The following SLIT2 variants were observed in gnomAD, a reference collection of about 807,000 sequenced individuals.
SLIT2 encodes slit homolog 2 protein.
In SLIT2, 41 loss-of-function variants were observed where a neutral mutation model predicts 185.7. The observed-to-expected ratio is 0.22, with a 90% CI of 0.17 to 0.29. The LOEUF (loss-of-function observed/expected upper bound fraction) is 0.29. SLIT2 is among the 10% of genes least tolerant of loss of function. The probability of loss-of-function intolerance (pLI) is 1.00; values close to 1 mark genes in which losing one functional copy is unlikely to be tolerated. For missense variants in SLIT2, 1,571 were observed against 1,909.0 expected, an observed-to-expected ratio of 0.82 and a Z score of 3.30; for synonymous variants, 693 against 680.2, an observed-to-expected ratio of 1.02 and a Z score of -0.29.
chr4:20,306,548 G>A (rs552512039), intron 4 of SLIT2, among the ~76,000 whole-genome samples: 3 of 152,304 alleles, frequency 2.0e-5, no homozygotes, highest in Non-Finnish European at 4.4e-5. Flanking sequence ...AGAATTACAA[G>A]CCAGGTAATC....
At chr4:20,453,949 G>A (rs1391131283) in intron 4 of SLIT2, among the ~76,000 whole-genome samples, 1 of 152,226 alleles carries the variant, frequency 6.6e-6, no homozygotes, top group Non-Finnish European at 1.5e-5. Context: ...TCTGGTTTGA[G>A]TGGCATGGAT....
At position 20,528,485 on chromosome 4, in the gene SLIT2, A is replaced by C; in HGVS notation, c.1463-464A>C. ...TTTTAGGCATCTCCGAGATTATGTG[A>C]GAGGGAGAGAATAGTAAAAAGTCCA... is the stretch of plus-strand genomic sequence containing the variant. On this transcript the variant is annotated intron_variant, in intron 15 of 36. Transcript: ENST00000504154. This position sits in a 1 kb window ranked among gnomAD's most constrained non-coding sequence, Gnocchi z 4.2. The C allele has an allele frequency of 2.5e-6, 1 of 396,228 alleles. No individual in the cohort carries two copies. Among genetic ancestry groups the C allele is most frequent in the Admixed American group, 3.3e-5 (1 of 29,902 alleles). 24.5% of individuals were successfully genotyped at this position (396,228 alleles called of 1,614,324 possible).
At chr4:20,446,096 G>A (rs1711765058) in intron 4 of SLIT2, among the ~76,000 whole-genome samples, 1 of 152,096 alleles carries the variant, frequency 6.6e-6, no homozygotes, top group African/African-American at 2.4e-5. Context: ...GCACACCCTT[G>A]CCCCCTTAAC....
intron 4 of SLIT2, among the ~76,000 whole-genome samples, chr4:20,312,808 C>T (rs1337862994): frequency 2.1e-5 from 3 of 142,764 alleles, no homozygotes; most frequent in Non-Finnish European, 3.1e-5. Context: ...GAAAAGAAAA[C>T]ATATTTTAGA....
At chr4:20,280,344 A>T (rs1714619263) in intron 4 of SLIT2, among the ~76,000 whole-genome samples, 1 of 151,622 alleles carries the variant, frequency 6.6e-6, no homozygotes, top group African/African-American at 2.4e-5. Context: ...AAAAAAAAAA[A>T]AAAAAAAGAA....
intron 4 of SLIT2, among the ~76,000 whole-genome samples, chr4:20,432,598 G>T (rs537898305): frequency 1.3e-5 from 2 of 151,348 alleles, no homozygotes; most frequent in Admixed American, 6.6e-5. Context: ...GAGTTAATAG[G>T]TGTTGTTCCT....
chr4:20,501,341 A>T (rs568469101), intron 9 of SLIT2, among the ~76,000 whole-genome samples: 2 of 152,092 alleles, frequency 1.3e-5, no homozygotes, highest in Non-Finnish European at 2.9e-5. Flanking sequence ...GCTGGAGTGC[A>T]GTGGCGTGAT....
At chr4:20,532,097 AT>A (rs1434227335) in intron 17 of SLIT2, 39 bp downstream of exon 17, 4 of 1,184,872 alleles carry the variant, frequency 3.4e-6, no homozygotes, top group South Asian at 2.8e-5. Flanking sequence ...TTTCTGTAGC[AT>A]TTTTTGGGTG....
At position 20,252,807 on chromosome 4, in the gene SLIT2, T is replaced by C. The variant is rs1236732838; in HGVS notation, c.-1009T>C. On this transcript the variant is annotated 5_prime_UTR_variant, in exon 1 of 37. Transcript: ENST00000504154. ...TCTCCAGTACGCCCCAGCAGGACGC[T>C]GACACCTCCAACCTTGGCCTTTGCC... Among the ~76,000 whole-genome samples, 2 of 152,070 alleles carry C rather than the reference T, an allele frequency of 1.3e-5. No homozygotes were observed. The highest frequency in any genetic ancestry group is 4.8e-5 in the African/African-American group (2 of 41,410).
intron 4 of SLIT2, among the ~76,000 whole-genome samples, chr4:20,442,762 T>C (rs1729868981): frequency 6.6e-6 from 1 of 152,110 alleles, no homozygotes. Context: ...GACGAAAGAC[T>C]GGGAGGCCTT....
At chr4:20,520,861 G>C (rs1720780507) in intron 12 of SLIT2, among the ~76,000 whole-genome samples, 1 of 152,102 alleles carries the variant, frequency 6.6e-6, no homozygotes. Flanking sequence ...TGAGTCATGA[G>C]AAATACTGAT....
intron 33 of SLIT2, among the ~76,000 whole-genome samples, chr4:20,598,845 C>G (rs1021274370): frequency 6.6e-6 from 1 of 152,154 alleles, no homozygotes; most frequent in Non-Finnish European, 1.5e-5. Context: ...TTCCTCCCAA[C>G]AATCTCCTGT....
rs1722133765 is a variant in SLIT2 at position 20,252,661 on chromosome 4, A to G, written c.-1155A>G. On this transcript the variant is annotated 5_prime_UTR_variant, in exon 1 of 37. Coordinates refer to ENST00000504154, the MANE Select transcript of SLIT2 (RefSeq NM_004787.4). ...CTTTGCCATCAGGTGTCTGCCGCGGAGCTGCGGCTTATCTGGGAGACGAGC... is the reference window on the plus strand; with the variant it reads ...CTTTGCCATCAGGTGTCTGCCGCGGGGCTGCGGCTTATCTGGGAGACGAGC... Among the ~76,000 whole-genome samples, 1 of 152,094 alleles carries G rather than the reference A, an allele frequency of 6.6e-6. No homozygotes were observed. The highest frequency in any genetic ancestry group is 6.5e-5 in the Admixed American group (1 of 15,282).
intron 4 of SLIT2, among the ~76,000 whole-genome samples, chr4:20,303,896 T>C (rs1380234590): frequency 6.6e-6 from 1 of 152,184 alleles, no homozygotes; most frequent in African/African-American, 2.4e-5. Context: ...AGGGAAATGA[T>C]AGGAGATGAA....
chr4:20,302,220 A>C (rs1165930781), intron 4 of SLIT2, among the ~76,000 whole-genome samples: 1 of 152,190 alleles, frequency 6.6e-6, no homozygotes, highest in African/African-American at 2.4e-5. Flanking sequence ...TATTTCTTTC[A>C]ATTTAAAATA....
chr4:20,617,872 T>G (rs1217598333), intron 36 of SLIT2, among the ~76,000 whole-genome samples: 1 of 152,190 alleles, frequency 6.6e-6, no homozygotes, highest in African/African-American at 2.4e-5. Flanking sequence ...TGAAATGACC[T>G]TAAACCTCCA....
intron 16 of SLIT2, among the ~76,000 whole-genome samples, chr4:20,529,461 G>A (rs993923270): frequency 2.9e-4 from 44 of 152,178 alleles, no homozygotes; most frequent in African/African-American, 1.0e-3. Context: ...AAATAAAGTA[G>A]TTTGAGAGCC....
intron 4 of SLIT2, among the ~76,000 whole-genome samples, chr4:20,430,024 G>C (rs73250392): frequency 3.9e-5 from 6 of 152,172 alleles, no homozygotes; most frequent in Non-Finnish European, 7.4e-5. Flanking sequence ...ACCAGGAAAA[G>C]TTTATATGAG....
At chr4:20,586,091 CCTT>C (rs1727034990) in intron 29 of SLIT2, among the ~76,000 whole-genome samples, 1 of 152,104 alleles carries the variant, frequency 6.6e-6, no homozygotes, top group Admixed American at 6.6e-5. Flanking sequence ...GCTAAGTTTC[CCTT>C]CTTATATTGA....
Sources: gnomAD v4.1 joint callset for allele counts (sites outside exome capture counted in the v4.1 genomes callset) on GRCh38, gnomAD v4.1.1 for gene constraint, Gnocchi (gnomAD v3.1) non-coding constraint, MANE v1.5 for transcripts, NCBI Gene and HGNC (gene_info 2026-07-23, HGNC 2026-07-21) for gene names.